COL6A3: variants seen among roughly 807,000 people sequenced by gnomAD.
COL6A3 encodes collagen type VI alpha 3 chain.
In COL6A3, 137 loss-of-function variants were observed where a neutral mutation model predicts 274.1. The observed-to-expected ratio is 0.50, with a 90% CI of 0.44 to 0.58. The LOEUF (loss-of-function observed/expected upper bound fraction) is 0.58. COL6A3 is among the 20% of genes least tolerant of loss of function. The pLI is 0.00. For missense variants in COL6A3, 3,950 were observed against 4,124.9 expected (o/e 0.96, Z 1.16); for synonymous variants, 1,650 against 1,650.6 (o/e 1.00, Z 0.01).
rs755777148 is a variant in COL6A3, at chr2:237,340,772, A to G, written c.8144T>C (p.Leu2715Ser). Reference sequence around the variant, plus strand: ...TATGGTGTATTCAATGGCACTGCCTAAGGCCCTGGTTCCCTGCAACTGTGT... The same window carrying G: ...TATGGTGTATTCAATGGCACTGCCTGAGGCCCTGGTTCCCTGCAACTGTGT... The part of the protein sequence containing the change: ...GMTQLQGTRA[L>S]GSAIEYTIEN... The change falls in exon 38 of 44, where the codon TTA becomes TCA. Residue 2715 changes from leucine (L) to serine (S), a missense_variant. Leu to Ser is a moderately radical substitution (Grantham distance 145). This residue lies in a region of COL6A3 where 1,284 missense variants were observed against 1,349.7 expected (regional missense o/e 0.95). Coordinates refer to ENST00000295550, the MANE Select transcript of COL6A3 (RefSeq NM_004369.4). The G allele has an allele frequency of 1.2e-6, 2 of 1,614,142 alleles. No homozygotes were observed. Among genetic ancestry groups the G allele is most frequent in the South Asian group, 1.1e-5 (1 of 91,074 alleles).
chr2:237,402,228 G>A (rs1195848510), intron 1 of COL6A3, among the ~76,000 whole-genome samples: 2 of 152,118 alleles, frequency 1.3e-5, no homozygotes, highest in East Asian at 3.8e-4. Context: ...GCTGTCAGGA[G>A]GGAGGCAGTT....
At chr2:237,331,920 C>A (rs1387705450) in intron 42 of COL6A3, among the ~76,000 whole-genome samples, 1 of 149,676 alleles carries the variant, frequency 6.7e-6, no homozygotes, top group Non-Finnish European at 1.5e-5. Context: ...CTACTTGCAG[C>A]CTTGAAAGAA....
intron 22 of COL6A3, 117 bp downstream of exon 22, chr2:237,357,700 C>A: frequency 9.7e-7 from 1 of 1,032,918 alleles, no homozygotes; most frequent in Non-Finnish European, 1.5e-6. Flanking sequence ...TAATCTTAGG[C>A]TACGTTGCAG....
intron 28 of COL6A3, among the ~76,000 whole-genome samples, chr2:237,349,137 A>C (rs1574956651): frequency 7.5e-6 from 1 of 133,336 alleles, no homozygotes; most frequent in Non-Finnish European, 1.6e-5. Context: ...TCACCCCTAG[A>C]CCCCCTCCTT....
intron 31 of COL6A3, 63 bp from the exon 32 acceptor site, chr2:237,346,628 T>G: frequency 6.8e-7 from 1 of 1,465,344 alleles, no homozygotes; most frequent in Non-Finnish European, 9.6e-7. Context: ...AAGGCTCCTA[T>G]AGTTGGAAGG....
At position 237,381,307 on chromosome 2, in the gene COL6A3, T is replaced by C. The variant is rs2077999273; in HGVS notation, c.1505A>G (p.His502Arg). ...TVRPEFYFNT[H>R]PTKREVITAV... ...GGTTATGACTTCCCTTTTTGTTGGA[T>C]GGGTATTGAAATAAAATTCAGGCCT... is the stretch of plus-strand genomic sequence containing the variant. The change falls in exon 5 of 44, where the codon CAT becomes CGT. Residue 502 changes from histidine (H) to arginine (R), a missense_variant. This residue lies in a region of COL6A3 where 1,934 missense variants were observed against 1,984.3 expected (regional missense o/e 0.97). Coordinates refer to ENST00000295550, the MANE Select transcript of COL6A3 (RefSeq NM_004369.4). 4 of 1,614,224 alleles carry C rather than the reference T, an allele frequency of 2.5e-6. No individual in the cohort carries two copies. Among genetic ancestry groups the C allele is most frequent in the Non-Finnish European group, 3.4e-6 (4 of 1,180,034 alleles).
At position 237,364,474 on chromosome 2, in the gene COL6A3, T is replaced by C. The variant is rs773663750; in HGVS notation, c.5839-46A>G. Reference sequence around the variant, plus strand: ...AAATCCCAGGAAAACTAAAAAGGAGTGTTGCAGACTGCTGATAGAAAACTG... The same window carrying C: ...AAATCCCAGGAAAACTAAAAAGGAGCGTTGCAGACTGCTGATAGAAAACTG... On this transcript the variant is annotated intron_variant, in intron 12 of 43. Transcript: ENST00000295550. This position sits in a 1 kb window ranked among gnomAD's most constrained non-coding sequence, Gnocchi z 4.6. 11 of 1,413,202 alleles carry C rather than the reference T, an allele frequency of 7.8e-6. No homozygotes were observed. The highest frequency in any genetic ancestry group is 1.1e-5 in the Non-Finnish European group (11 of 998,494). The allele number at this position is 1,413,202 out of a possible 1,614,324, so 87.5% of individuals were successfully genotyped here.
chr2:237,341,961 A>T (rs2076997547), intron 37 of COL6A3, 104 bp downstream of exon 37: 1 of 961,578 alleles, frequency 1.0e-6, no homozygotes. Flanking sequence ...AATCAATTGA[A>T]CTCAAGCTCT....
chr2:237,325,020 T>A (rs1158559878), intron 43 of COL6A3, among the ~76,000 whole-genome samples: 1 of 152,146 alleles, frequency 6.6e-6, no homozygotes, highest in East Asian at 1.9e-4. Flanking sequence ...GGCCCAGGGA[T>A]GTCTGGGAAA....
At chr2:237,359,557 C>T (rs781079494) in intron 17 of COL6A3, among the ~76,000 whole-genome samples, 169 bp from the exon 18 acceptor site, 64 of 152,226 alleles carry the variant, frequency 4.2e-4, no homozygotes, top group Non-Finnish European at 4.7e-4. Context: ...CCACCACGTG[C>T]GATGTTTTAA....
Position 237,396,845 on chromosome 2 carries a change from A to G in COL6A3, c.-28T>C, listed in dbSNP as rs2078454434. ...TGAATTTGTCTAAGCACCAAATATGAACCTAAAAGAGAAAACAGGGCAAAG... is the reference window on the plus strand; with the variant it reads ...TGAATTTGTCTAAGCACCAAATATGGACCTAAAAGAGAAAACAGGGCAAAG... On this transcript the variant is annotated splice_region_variant and 5_prime_UTR_variant, in exon 2 of 44. Transcript: ENST00000295550. 1 of 1,603,878 alleles carries G rather than the reference A, an allele frequency of 6.2e-7. No homozygotes were observed.
intron 31 of COL6A3, 98 bp from the exon 32 acceptor site, chr2:237,346,663 G>A (rs2077103530): frequency 1.8e-6 from 2 of 1,084,350 alleles, no homozygotes; most frequent in South Asian, 2.6e-5. Flanking sequence ...TCTAACCCAA[G>A]GGACTCCATC....
rs779967310 is a variant in COL6A3, at chr2:237,372,028, C to G, written c.3989G>C (p.Ser1330Thr). The change falls in exon 9 of 44, where the codon AGC becomes ACC. Residue 1330 changes from serine to threonine, a missense_variant. Transcript: ENST00000295550. ...SRNIFKRPLGSRIEEGVPQFL... is the reference protein window; with the variant it reads ...SRNIFKRPLGTRIEEGVPQFL... ...CTGCGGGACGCCCTCTTCAATGCGGCTCCCCAGGGGCCTCTTGAAGATGTT... is the reference window on the plus strand; with the variant it reads ...CTGCGGGACGCCCTCTTCAATGCGGGTCCCCAGGGGCCTCTTGAAGATGTT... 5 of 1,613,984 alleles carry G rather than the reference C, an allele frequency of 3.1e-6. No homozygotes were observed. The Admixed American group carries it at 5.0e-5, about 16-fold the overall frequency.
intron 7 of COL6A3, among the ~76,000 whole-genome samples, chr2:237,376,073 G>T (rs1471141579): frequency 1.3e-5 from 2 of 152,174 alleles, no homozygotes; most frequent in Non-Finnish European, 2.9e-5. Flanking sequence ...TTGAGTTGCT[G>T]CAAGTCACAA....
intron 17 of COL6A3, 26 bp from the exon 18 acceptor site, chr2:237,359,414 C>A: frequency 1.9e-6 from 3 of 1,613,572 alleles, no homozygotes; most frequent in Non-Finnish European, 2.5e-6. Flanking sequence ...ATAGGGGAAG[C>A]ATTAGCTTTT....
At chr2:237,350,295 G>C (rs1274570863) in intron 27 of COL6A3, 86 bp from the exon 28 acceptor site, 3 of 1,273,578 alleles carry the variant, frequency 2.4e-6, no homozygotes, top group African/African-American at 1.5e-5. Flanking sequence ...TCTAGGTAAG[G>C]GTGCTGCAAC....
intron 4 of COL6A3, among the ~76,000 whole-genome samples, chr2:237,383,229 T>C (rs1210449694): frequency 6.6e-6 from 1 of 152,228 alleles, no homozygotes. Context: ...TGCTCACCTG[T>C]AGCATCAAGA....
intron 3 of COL6A3, among the ~76,000 whole-genome samples, chr2:237,389,717 C>A (rs1313754084): frequency 1.3e-5 from 2 of 152,182 alleles, no homozygotes; most frequent in African/African-American, 4.8e-5. Flanking sequence ...AAGTTCCTAA[C>A]AATATATTTG....
chr2:237,379,366 T>C, intron 5 of COL6A3, 131 bp from the exon 6 acceptor site: 1 of 1,144,990 alleles, frequency 8.7e-7, no homozygotes, highest in Non-Finnish European at 1.3e-6. Context: ...AGCATGTCCA[T>C]CTTGTAAAAT....
Sources: gnomAD v4.1 joint callset for allele counts (sites outside exome capture counted in the v4.1 genomes callset) on GRCh38, gnomAD v4.1.1 for gene constraint, gnomAD v4.1.1 regional missense constraint, Gnocchi (gnomAD v3.1) non-coding constraint, MANE v1.5 for transcripts, NCBI Gene and HGNC (gene_info 2026-07-23, HGNC 2026-07-21) for gene names.